Variants in FNBP1 observed in about 807,000 individuals in gnomAD.
FNBP1 encodes formin-binding protein 1.
In FNBP1, 26 loss-of-function variants were observed where a neutral mutation model predicts 90.6. The observed-to-expected ratio is 0.29, with a 90% CI of 0.21 to 0.40. The LOEUF is 0.40. FNBP1 is among the 10% of genes least tolerant of loss of function. The pLI is 1.00. For missense variants in FNBP1, 635 were observed against 768.0 expected (o/e 0.83, Z 2.05); for synonymous variants, 260 against 265.2 (o/e 0.98, Z 0.19).
chr9:130,046,006 G>T (rs10819589), upstream of FNBP1, among the ~76,000 whole-genome samples: 146,443 of 152,204 alleles, frequency 0.96, 70,566 homozygotes, highest in East Asian at 1. Context: ...CTGGGTTGCA[G>T]ATACTGGTTT....
At chr9:129,984,578 A>G (rs1244188935) in intron 2 of FNBP1, among the ~76,000 whole-genome samples, 1 of 152,150 alleles carries the variant, frequency 6.6e-6, no homozygotes, top group African/African-American at 2.4e-5. Flanking sequence ...CCAGACCTCC[A>G]GGCTGAGTGC....
In FNBP1 at chr9:129,961,629, G is replaced by A. The variant is rs539561528; in HGVS notation, c.346-3076C>T. ...GTTGCCCAGGCTGGAGGACAGTGGC[G>A]TGATCTCGGTTCACTGAGACCTCTG... On this transcript the variant is annotated intron_variant, in intron 4 of 16. Transcript: ENST00000446176. Among the ~76,000 whole-genome samples, 14 of 152,174 alleles carry A rather than the reference G, an allele frequency of 9.2e-5. No homozygotes were observed. In the East Asian group the frequency reaches 2.1e-3, roughly 23 times the overall value.
chr9:129,900,294 G>T lies in FNBP1; in HGVS notation c.1550+132C>A. ...TATAAATCTGCATCATGGAAAAAGT[G>T]ACAGGTCAATCGCAACAGACATTTT... On this transcript the variant is annotated intron_variant, in intron 14 of 16. Coordinates refer to ENST00000446176, the MANE Select transcript of FNBP1 (RefSeq NM_015033.3). This position sits in a 1 kb window ranked among gnomAD's most constrained non-coding sequence, Gnocchi z 4.1. 8.7e-7 allele frequency: 1 copy of T among 1,147,988 alleles called. No individual in the cohort carries two copies. Among genetic ancestry groups the T allele is most frequent in the South Asian group, 1.8e-5 (1 of 54,106 alleles). The allele number at this position is 1,147,988 out of a possible 1,614,324, so 71.1% of individuals were successfully genotyped here.
chr9:129,912,739 C>T (rs946343596), intron 11 of FNBP1, among the ~76,000 whole-genome samples: 2 of 149,048 alleles, frequency 1.3e-5, no homozygotes, highest in Admixed American at 1.3e-4. Flanking sequence ...GGTCAACATT[C>T]ACCTCGTTAA....
At chr9:129,985,822 T>C (rs1041424120) in intron 2 of FNBP1, among the ~76,000 whole-genome samples, 3 of 151,810 alleles carry the variant, frequency 2.0e-5, no homozygotes, top group African/African-American at 7.3e-5. Context: ...ATCAGCCAGG[T>C]GTGGTGGCAC....
chr9:129,914,997 G>A (rs2040041321), intron 11 of FNBP1: 1 of 363,092 alleles, frequency 2.8e-6, no homozygotes, highest in Non-Finnish European at 5.8e-6. Context: ...TTAATGATTA[G>A]TTTGACTGTT....
intron 10 of FNBP1, among the ~76,000 whole-genome samples, chr9:129,920,324 C>T (rs1162540473): frequency 3.3e-5 from 5 of 151,746 alleles, no homozygotes; most frequent in African/African-American, 7.3e-5. Context: ...TTTTTTTAGA[C>T]GGAGTCTCAC....
intron 8 of FNBP1, among the ~76,000 whole-genome samples, chr9:129,926,300 G>C (rs1232025337): frequency 2.0e-5 from 3 of 152,084 alleles, no homozygotes; most frequent in Admixed American, 2.0e-4. Flanking sequence ...TTGAATATTT[G>C]TGTCTTCAAA....
chr9:129,922,338 G>A (rs1322645098), intron 10 of FNBP1, among the ~76,000 whole-genome samples: 1 of 152,154 alleles, frequency 6.6e-6, no homozygotes, highest in Non-Finnish European at 1.5e-5. Context: ...ATCTTAATGA[G>A]GACAGCGGAC....
Position 129,887,937 on chromosome 9 carries a change from A to G in FNBP1, c.*2602T>C, listed in dbSNP as rs2034844230. 3 of 232,404 alleles carry G rather than the reference A, an allele frequency of 1.3e-5. No individual in the cohort carries two copies. Among genetic ancestry groups the G allele is most frequent in the Non-Finnish European group, 2.6e-5 (3 of 117,492 alleles). The allele number at this position is 232,404 out of a possible 1,614,324, so 14.4% of individuals were successfully genotyped here. A position where few individuals can be genotyped will look rare whatever the true frequency, so the allele number is the denominator to read the frequency against. On this transcript the variant is annotated 3_prime_UTR_variant, in exon 17 of 17. Transcript: ENST00000446176. ...CATGATTTCACAGTAGGATTCCCAG[A>G]GTAAATGATGATACATAGGACAACT...
At chr9:129,930,342 C>T (rs2042552037) in intron 6 of FNBP1, among the ~76,000 whole-genome samples, 1 of 152,164 alleles carries the variant, frequency 6.6e-6, no homozygotes, top group South Asian at 2.1e-4. Flanking sequence ...GGATTATGGG[C>T]ATGAACCACG....
intron 1 of FNBP1, among the ~76,000 whole-genome samples, chr9:130,011,298 G>T (rs1376453771): frequency 1.6e-5 from 2 of 125,562 alleles, no homozygotes; most frequent in African/African-American, 6.0e-5. Context: ...ACTTATAACA[G>T]CATGAAGAAT....
intron 4 of FNBP1, among the ~76,000 whole-genome samples, chr9:129,967,915 C>A (rs1383883849): frequency 6.6e-6 from 1 of 151,464 alleles, no homozygotes; most frequent in African/African-American, 2.4e-5. Context: ...CTATGTTGTC[C>A]AGGCTGGTCT....
intron 6 of FNBP1, among the ~76,000 whole-genome samples, chr9:129,930,914 A>G (rs1449841068): frequency 6.6e-6 from 1 of 152,220 alleles, no homozygotes; most frequent in African/African-American, 2.4e-5. Flanking sequence ...GTAAGCCAGA[A>G]ACACAACAGG....
intron 6 of FNBP1, among the ~76,000 whole-genome samples, chr9:129,933,057 T>C (rs1373978784): frequency 6.6e-6 from 1 of 152,158 alleles, no homozygotes; most frequent in African/African-American, 2.4e-5. Flanking sequence ...AAAAATCCAG[T>C]GGGGGATTTC....
At chr9:129,912,231 C>A (rs1472906862) in intron 11 of FNBP1, among the ~76,000 whole-genome samples, 2 of 152,154 alleles carry the variant, frequency 1.3e-5, no homozygotes, top group Non-Finnish European at 2.9e-5. Context: ...TAGCGGAAGC[C>A]TCCACATATT....
intron 1 of FNBP1, among the ~76,000 whole-genome samples, chr9:130,029,960 G>C (rs962421368): frequency 2.6e-5 from 4 of 151,972 alleles, no homozygotes; most frequent in African/African-American, 4.8e-5. Flanking sequence ...CTCCAGCCTG[G>C]GTGATGGAGT....
intron 16 of FNBP1, among the ~76,000 whole-genome samples, chr9:129,892,312 C>T (rs1302699497): frequency 6.6e-6 from 1 of 151,414 alleles, no homozygotes; most frequent in Non-Finnish European, 1.5e-5. Context: ...AATTGACCCA[C>T]CGGAAGTTAC....
At chr9:130,037,984 G>A (rs748163635) in intron 1 of FNBP1, among the ~76,000 whole-genome samples, 16 of 152,250 alleles carry the variant, frequency 1.1e-4, no homozygotes, top group Non-Finnish European at 1.5e-4. Context: ...TGCACACCAC[G>A]ATCAGGGTCA....
Sources: allele counts gnomAD v4.1 joint callset (sites outside exome capture counted in the v4.1 genomes callset), GRCh38; gene constraint gnomAD v4.1.1; non-coding constraint Gnocchi (gnomAD v3.1); transcripts MANE v1.5; gene names NCBI Gene and HGNC (gene_info 2026-07-23, HGNC 2026-07-21).